The following ANXA4 variants were observed in gnomAD, a reference collection of about 807,000 sequenced individuals.
ANXA4 encodes the protein 35-beta calcimedin.
In ANXA4, 39 loss-of-function variants were observed where a neutral mutation model predicts 49.8. The ratio of observed to expected loss-of-function variants is 0.78; its 90% confidence interval spans 0.61 to 1.02. ANXA4 has a LOEUF of 1.02. Among genes scored for constraint, ANXA4 ranks in the 50% least tolerant of loss-of-function variants. The pLI, the probability that ANXA4 is intolerant of heterozygous loss-of-function variation, is 0.00. For synonymous variants in ANXA4, 134 were observed against 152.5 expected (o/e 0.88, Z 0.89); for missense variants, 360 against 410.1 (o/e 0.88, Z 1.05).
At chr2:69,824,940 G>A (rs551100932) in intron 12 of ANXA4, among the ~76,000 whole-genome samples, 6 of 151,780 alleles carry the variant, frequency 4.0e-5, no homozygotes, top group Non-Finnish European at 7.4e-5. Flanking sequence ...GGTGGCAGGC[G>A]CCTGTAGTCC....
chr2:69,668,399 C>T (rs1328480590), intron 2 of ANXA4, among the ~76,000 whole-genome samples: 2 of 151,998 alleles, frequency 1.3e-5, no homozygotes, highest in African/African-American at 2.4e-5. Flanking sequence ...ATTGCTTGAG[C>T]CCAGGAGTTA....
intron 1 of ANXA4, among the ~76,000 whole-genome samples, chr2:69,767,560 A>G (rs1671541828): frequency 6.6e-6 from 1 of 152,220 alleles, no homozygotes; most frequent in Non-Finnish European, 1.5e-5. Context: ...GAGACATATT[A>G]CAGAGCCATG....
At chr2:69,813,577 T>C (rs1423880139) in intron 8 of ANXA4, among the ~76,000 whole-genome samples, 1 of 151,652 alleles carries the variant, frequency 6.6e-6, no homozygotes, top group African/African-American at 2.4e-5. Flanking sequence ...ATATTAAGTA[T>C]GTCATTGAAT....
At chr2:69,649,848 C>CT (rs1559038115) in intron 1 of ANXA4, among the ~76,000 whole-genome samples, 6 of 150,212 alleles carry the variant, frequency 4.0e-5, no homozygotes, top group Admixed American at 2.7e-4. Context: ...TCTTGGACTC[C>CT]TGAACTCAAG....
chr2:69,656,305 GTATATATGTA>G (rs200681063), intron 2 of ANXA4, among the ~76,000 whole-genome samples: 22,812 of 106,208 alleles, frequency 0.21, 3,840 homozygotes, highest in East Asian at 0.47. Flanking sequence ...GTATATATAT[GTATATATGTA>G]TATATATGTA....
intron 3 of ANXA4, among the ~76,000 whole-genome samples, chr2:69,732,826 G>A (rs1037950384): frequency 3.3e-5 from 5 of 152,134 alleles, no homozygotes; most frequent in African/African-American, 7.2e-5. Context: ...GGTGCTGATC[G>A]AAGTCATGTT....
chr2:69,717,957 T>TG (rs1179777048), intron 2 of ANXA4, among the ~76,000 whole-genome samples: 2 of 152,206 alleles, frequency 1.3e-5, no homozygotes. Flanking sequence ...ATAGTTTTAA[T>TG]GGGGAAACCC....
At chr2:69,797,301 G>T (rs894123986) in intron 3 of ANXA4, among the ~76,000 whole-genome samples, 2 of 152,050 alleles carry the variant, frequency 1.3e-5, no homozygotes, top group Admixed American at 1.3e-4. Flanking sequence ...CTTGGTCCCC[G>T]GGTCCCAGCA....
intron 2 of ANXA4, among the ~76,000 whole-genome samples, chr2:69,702,353 A>C (rs368143965): frequency 1.3e-5 from 2 of 152,150 alleles, no homozygotes; most frequent in South Asian, 4.1e-4. Flanking sequence ...AAAATATATA[A>C]ATCAAATATA....
chr2:69,731,648 G>GT (rs1670099213), intron 3 of ANXA4, among the ~76,000 whole-genome samples: 1 of 152,140 alleles, frequency 6.6e-6, no homozygotes, highest in Admixed American at 6.5e-5. Context: ...AAAAGCAGAT[G>GT]TTTTTTAAAA....
intron 12 of ANXA4, among the ~76,000 whole-genome samples, chr2:69,823,716 A>T (rs1385556851): frequency 1.3e-5 from 2 of 152,234 alleles, no homozygotes; most frequent in Admixed American, 1.3e-4. Context: ...CAAATGTATA[A>T]ATAAGAAACT....
At chr2:69,720,036 A>G (rs1669775761) in intron 2 of ANXA4, among the ~76,000 whole-genome samples, 1 of 152,220 alleles carries the variant, frequency 6.6e-6, no homozygotes, top group Admixed American at 6.5e-5. Context: ...TACATAGGTC[A>G]TTAGTGCTAC....
intron 2 of ANXA4, chr2:69,653,418 C>T (rs984975174): frequency 6.6e-6 from 1 of 152,196 alleles, no homozygotes; most frequent in East Asian, 1.9e-4. Context: ...CTGGACTGTC[C>T]AGGTAAACTG....
At chr2:69,711,587 G>A (rs1451888785) in intron 2 of ANXA4, among the ~76,000 whole-genome samples, 1 of 152,208 alleles carries the variant, frequency 6.6e-6, no homozygotes. Flanking sequence ...GATCGTGGTG[G>A]TGGTTGTATG....
chr2:69,780,530 A>G (rs1473747412), intron 1 of ANXA4, among the ~76,000 whole-genome samples: 1 of 152,182 alleles, frequency 6.6e-6, no homozygotes, highest in Non-Finnish European at 1.5e-5. Flanking sequence ...CCAGGAATGC[A>G]TGTACTCCTG....
At chr2:69,744,004 C>T (rs1167882662) in intron 1 of ANXA4, among the ~76,000 whole-genome samples, 1 of 152,152 alleles carries the variant, frequency 6.6e-6, no homozygotes, top group Non-Finnish European at 1.5e-5. Flanking sequence ...TGCTTTTAGA[C>T]TAAGCCTGCT....
chr2:69,735,986 A>G (rs1385550211), intron 3 of ANXA4, among the ~76,000 whole-genome samples: 2 of 152,138 alleles, frequency 1.3e-5, no homozygotes, highest in African/African-American at 4.8e-5. Context: ...CATGGGTTCT[A>G]TTTACATGAT....
At chr2:69,808,036 GT>G (rs774108331) in intron 6 of ANXA4, 40 bp downstream of exon 6, 5 of 1,583,706 alleles carry the variant, frequency 3.2e-6, no homozygotes, top group Non-Finnish European at 4.3e-6. Context: ...AGGTTTCGCT[GT>G]GATTAGAGAA....
intron 3 of ANXA4, among the ~76,000 whole-genome samples, chr2:69,722,768 TTTATG>T (rs1669847468): frequency 6.6e-6 from 1 of 151,660 alleles, no homozygotes; most frequent in Non-Finnish European, 1.5e-5. Context: ...AACGGCAAAT[TTTATG>T]TTATATGTAT....
Sources: allele counts gnomAD v4.1 joint callset (sites outside exome capture counted in the v4.1 genomes callset), GRCh38; gene constraint gnomAD v4.1.1; transcripts MANE v1.5; gene names NCBI Gene and HGNC (gene_info 2026-07-23, HGNC 2026-07-21).